GPC6: variants seen among roughly 807,000 people sequenced by gnomAD.
GPC6 encodes glypican 6, also known as glypican-6.
GPC6 carries 14 observed loss-of-function variants against 55.2 expected under a neutral mutation model. That is an observed-to-expected ratio of 0.25 (90% CI 0.17 to 0.40). The LOEUF (loss-of-function observed/expected upper bound fraction) is 0.40, where lower values mean the gene tolerates loss of function less well. Ranked by LOEUF, GPC6 falls within the 10% of genes least tolerant of loss-of-function variation. GPC6 has a pLI of 1.00. For missense variants in GPC6, 641 were observed against 708.5 expected (o/e 0.90, Z 1.08); for synonymous variants, 278 against 259.6 (o/e 1.07, Z -0.68).
rs545815080 is a variant in GPC6, at chr13:94,273,050, A to G, written c.878-13299A>G. On this transcript the variant is annotated intron_variant, in intron 4 of 8. Coordinates refer to ENST00000377047, the MANE Select transcript of GPC6 (RefSeq NM_005708.5). ...ATAAACTTTGTGAGGAAATAAAAGG[A>G]ACTCTCCCATCCATAAAGAAATAAC... is the stretch of plus-strand genomic sequence containing the variant. Among the ~76,000 whole-genome samples the G allele has an allele frequency of 4.6e-5, 7 of 152,260 alleles. No individual in the cohort carries two copies. The East Asian group carries it at 1.4e-3, about 29-fold the overall frequency.
chr13:93,841,720 C>T (rs529481547), intron 3 of GPC6, among the ~76,000 whole-genome samples: 1 of 152,274 alleles, frequency 6.6e-6, no homozygotes, highest in African/African-American at 2.4e-5. Flanking sequence ...TTTTTTAATT[C>T]ATTTTTGCCC....
chr13:93,739,242 A>G (rs1381888899), intron 2 of GPC6, among the ~76,000 whole-genome samples: 1 of 152,122 alleles, frequency 6.6e-6, no homozygotes, highest in Non-Finnish European at 1.5e-5. Flanking sequence ...GACAATAGAT[A>G]AGAGAAGAAA....
intron 4 of GPC6, among the ~76,000 whole-genome samples, chr13:94,083,793 G>A (rs767490113): frequency 1.3e-5 from 2 of 152,230 alleles, no homozygotes; most frequent in Non-Finnish European, 2.9e-5. Flanking sequence ...CATTACAAGG[G>A]AAGTTTTAAT....
chr13:93,510,359 T>C (rs1283115072), intron 1 of GPC6, among the ~76,000 whole-genome samples: 2 of 152,082 alleles, frequency 1.3e-5, no homozygotes, highest in Non-Finnish European at 2.9e-5. Context: ...ATCTTTCCAC[T>C]CTCTACCTCC....
intron 3 of GPC6, among the ~76,000 whole-genome samples, chr13:93,957,324 A>C (rs1879553849): frequency 1.3e-5 from 2 of 152,146 alleles, no homozygotes; most frequent in Non-Finnish European, 2.9e-5. Flanking sequence ...TATTATATGC[A>C]GTTCATGAGC....
chr13:93,730,064 A>C (rs1485839889), intron 2 of GPC6, among the ~76,000 whole-genome samples: 1 of 152,134 alleles, frequency 6.6e-6, no homozygotes, highest in Non-Finnish European at 1.5e-5. Context: ...TGCTGGTCAC[A>C]CAGGCCTGCT....
chr13:93,965,119 T>G (rs1488621199), intron 3 of GPC6, among the ~76,000 whole-genome samples: 8 of 143,430 alleles, frequency 5.6e-5, no homozygotes, highest in East Asian at 3.9e-4. Flanking sequence ...TTTTTTTTTT[T>G]TTTTTTTTTT....
intron 3 of GPC6, among the ~76,000 whole-genome samples, chr13:93,985,894 G>A (rs902046902): frequency 2.6e-5 from 4 of 151,824 alleles, no homozygotes; most frequent in African/African-American, 9.7e-5. Flanking sequence ...GAAAGAATGG[G>A]GTTAGAAAGT....
chr13:94,264,408 C>T (rs1208836415), intron 4 of GPC6, among the ~76,000 whole-genome samples: 1 of 152,204 alleles, frequency 6.6e-6, no homozygotes, highest in Non-Finnish European at 1.5e-5. Context: ...GGAAGTAGGT[C>T]GTTACCCTTC....
chr13:93,769,112 A>G (rs190705518), intron 2 of GPC6, among the ~76,000 whole-genome samples: 1 of 152,142 alleles, frequency 6.6e-6, no homozygotes, highest in Admixed American at 6.6e-5. Context: ...TTCCCTTACA[A>G]TCTTTTTCTC....
intron 2 of GPC6, among the ~76,000 whole-genome samples, chr13:93,556,398 G>GTATGTA (rs1400540681): frequency 1.7e-5 from 2 of 114,638 alleles, no homozygotes; most frequent in Non-Finnish European, 3.6e-5. Flanking sequence ...GTGTGTGTAT[G>GTATGTA]TATGTATATG....
At chr13:93,504,482 GTT>G (rs55771607) in intron 1 of GPC6, among the ~76,000 whole-genome samples, 2 of 129,968 alleles carry the variant, frequency 1.5e-5, no homozygotes, top group African/African-American at 2.9e-5. Flanking sequence ...AAACAACATA[GTT>G]TTTTTTTTTT....
intron 2 of GPC6, among the ~76,000 whole-genome samples, chr13:93,668,479 C>A (rs1881231199): frequency 6.6e-6 from 1 of 152,124 alleles, no homozygotes; most frequent in Non-Finnish European, 1.5e-5. Flanking sequence ...ACCTTATTTG[C>A]AAAACAGGTT....
At chr13:94,272,550 G>T (rs529904349) in intron 4 of GPC6, among the ~76,000 whole-genome samples, 2 of 139,684 alleles carry the variant, frequency 1.4e-5, no homozygotes, top group South Asian at 4.7e-4. Context: ...CTCACTGCAA[G>T]CTCCGCCTCC....
chr13:94,140,218 C>CATAACATAAG (rs1887325333), intron 4 of GPC6, among the ~76,000 whole-genome samples: 1 of 152,154 alleles, frequency 6.6e-6, no homozygotes, highest in Non-Finnish European at 1.5e-5. Context: ...ATGGTATTTA[C>CATAACATAAG]ATAACATAAG....
At chr13:93,274,769 A>T (rs1489084224) in intron 1 of GPC6, among the ~76,000 whole-genome samples, 2 of 152,224 alleles carry the variant, frequency 1.3e-5, no homozygotes, top group Admixed American at 1.3e-4. Flanking sequence ...TAGTGCAAAA[A>T]ATATATCCAC....
chr13:94,097,182 C>T (rs1885690944), intron 4 of GPC6, among the ~76,000 whole-genome samples: 1 of 151,832 alleles, frequency 6.6e-6, no homozygotes, highest in South Asian at 2.1e-4. Flanking sequence ...AACAATAAAA[C>T]AATGTACAAA....
intron 3 of GPC6, among the ~76,000 whole-genome samples, chr13:93,987,732 T>C (rs548357162): frequency 6.6e-6 from 1 of 152,300 alleles, no homozygotes; most frequent in African/African-American, 2.4e-5. Context: ...TTACTCTTCC[T>C]AATCATCTGT....
intron 1 of GPC6, among the ~76,000 whole-genome samples, chr13:93,267,321 A>C (rs1877356927): frequency 6.6e-6 from 1 of 152,026 alleles, no homozygotes; most frequent in African/African-American, 2.4e-5. Context: ...ATATGCACCA[A>C]TGCCATTAAA....
Sources: allele counts gnomAD v4.1 joint callset (sites outside exome capture counted in the v4.1 genomes callset), GRCh38; gene constraint gnomAD v4.1.1; transcripts MANE v1.5; gene names NCBI Gene and HGNC (gene_info 2026-07-23, HGNC 2026-07-21).